Variants in PPM1A observed in about 807,000 individuals in gnomAD.
The protein encoded by PPM1A is protein phosphatase 1A.
In PPM1A, 7 loss-of-function variants were observed where a neutral mutation model predicts 35.0. That is an observed-to-expected ratio of 0.20 (90% confidence interval 0.11 to 0.38). The LOEUF (loss-of-function observed/expected upper bound fraction) is 0.38. PPM1A is among the 10% of genes least tolerant of loss of function. PPM1A has a pLI of 1.00. For synonymous variants in PPM1A, 153 were observed against 167.3 expected (o/e 0.91, Z 0.66); for missense variants, 239 against 467.8 (o/e 0.51, Z 4.51).
At chr14:60,267,064 A>G (rs1222547294) in intron 1 of PPM1A, among the ~76,000 whole-genome samples, 1 of 152,228 alleles carries the variant, frequency 6.6e-6, no homozygotes, top group East Asian at 1.9e-4. Context: ...AAATAATCTT[A>G]TTGAGTATTT....
At chr14:60,288,225 A>G in intron 3 of PPM1A, 1 of 973,958 alleles carries the variant, frequency 1.0e-6, no homozygotes. Context: ...TTTTCTTCAC[A>G]GTTAAAATAT....
At chr14:60,247,495 T>A (rs1270038987), upstream of PPM1A, among the ~76,000 whole-genome samples, 1 of 151,466 alleles carries the variant, frequency 6.6e-6, no homozygotes, top group Non-Finnish European at 1.5e-5. Context: ...CCAGGCGTGG[T>A]GGCAGGCGCC....
At chr14:60,274,438 T>C (rs1885511433) in intron 1 of PPM1A, among the ~76,000 whole-genome samples, 1 of 152,018 alleles carries the variant, frequency 6.6e-6, no homozygotes, top group Non-Finnish European at 1.5e-5. Flanking sequence ...TTATTTTTAA[T>C]GGGTAACATG....
intron 1 of PPM1A, among the ~76,000 whole-genome samples, chr14:60,272,901 A>G (rs1257697712): frequency 6.6e-6 from 1 of 151,794 alleles, no homozygotes; most frequent in Non-Finnish European, 1.5e-5. Context: ...TCCTTTTATG[A>G]TTGCTCATGT....
At position 60,282,646 on chromosome 14, in the gene PPM1A, A is replaced by C. The variant is rs1208625938; in HGVS notation, c.-20-38A>C. On this transcript the variant is annotated intron_variant, in intron 1 of 5. Transcript: ENST00000395076. The surrounding 1 kb of genome is among the most constrained non-coding windows in gnomAD (Gnocchi z 5.1). Reference sequence around the variant, plus strand: ...TTGTTTGGTACATATTTTGTTTATAAGACAGTTATTGACTTTCCTGTTTCT... The same window carrying C: ...TTGTTTGGTACATATTTTGTTTATACGACAGTTATTGACTTTCCTGTTTCT... 6.3e-7 allele frequency: 1 copy of C among 1,584,734 alleles called. No homozygotes were observed. Among genetic ancestry groups the C allele is most frequent in the Non-Finnish European group, 8.6e-7 (1 of 1,165,292 alleles).
rs1364436000 is a variant in PPM1A at position 60,249,358 on chromosome 14, G to C, written c.-340G>C. On this transcript the variant is annotated 5_prime_UTR_variant, in exon 1 of 6. Coordinates refer to ENST00000395076, the MANE Select transcript of PPM1A (RefSeq NM_021003.5). This position sits in a 1 kb window ranked among gnomAD's most constrained non-coding sequence, Gnocchi z 4.5. ...TTGCTCCGGAACGGGTGGTTGGGGAGGGGGGGGTGGGGGGACTCTAGACAG... is the reference window on the plus strand; with the variant it reads ...TTGCTCCGGAACGGGTGGTTGGGGACGGGGGGGTGGGGGGACTCTAGACAG... The C allele has an allele frequency of 1.1e-5, 11 of 958,002 alleles. No individual in the cohort carries two copies. The highest frequency in any genetic ancestry group is 1.8e-5 in the African/African-American group (1 of 54,514). 59.3% of individuals were successfully genotyped at this position (958,002 alleles called of 1,614,324 possible).
chr14:60,284,708 T>TATATATATATATAC (rs1219271024), intron 2 of PPM1A, among the ~76,000 whole-genome samples: 1 of 57,170 alleles, frequency 1.7e-5, no homozygotes, highest in African/African-American at 1.6e-4. Flanking sequence ...TGTGTGTGTG[T>TATATATATATATAC]ATATATATAT....
intron 1 of PPM1A, among the ~76,000 whole-genome samples, chr14:60,281,557 CCT>C (rs1255430576): frequency 6.6e-6 from 1 of 152,192 alleles, no homozygotes; most frequent in African/African-American, 2.4e-5. Flanking sequence ...CTACCTAACT[CCT>C]CTTCACCTCC....
At chr14:60,262,455 G>T (rs987483761) in intron 1 of PPM1A, among the ~76,000 whole-genome samples, 3 of 152,150 alleles carry the variant, frequency 2.0e-5, no homozygotes, top group African/African-American at 7.2e-5. Context: ...AAGCCGAGGC[G>T]GGAGGATTGC....
rs114831746 is a variant in PPM1A, at chr14:60,262,619, C to A, written c.-21+12942C>A. Among the ~76,000 whole-genome samples the A allele has an allele frequency of 8.2e-3, 1,252 of 152,224 alleles. 20 individuals are homozygous for A. Among genetic ancestry groups the A allele is most frequent in the East Asian group, 0.031 (158 of 5,180 alleles). On this transcript the variant is annotated intron_variant, in intron 1 of 5. Coordinates refer to ENST00000395076, the MANE Select transcript of PPM1A (RefSeq NM_021003.5). ...GGATCACCTGAGCCCAGGAGCTCCA[C>A]GCTATAGTTTGAGTTGTGATCGTGC...
At position 60,292,933 on chromosome 14, in the gene PPM1A, T is replaced by G. The variant is rs1293138616; in HGVS notation, c.*451T>G. The stretch of plus-strand genomic sequence containing the variant: ...TGGAACAGGGAGAGCAGCAGCCATG[T>G]CAGCTACACGCTCAAATGTGCAGAT... On this transcript the variant is annotated 3_prime_UTR_variant, in exon 6 of 6. Coordinates refer to ENST00000395076, the MANE Select transcript of PPM1A (RefSeq NM_021003.5). The surrounding 1 kb of genome is among the most constrained non-coding windows in gnomAD (Gnocchi z 4.2). 1 of 153,454 alleles carries G rather than the reference T, an allele frequency of 6.5e-6. No individual in the cohort carries two copies. Among genetic ancestry groups the G allele is most frequent in the Non-Finnish European group, 1.4e-5 (1 of 69,036 alleles). 9.5% of individuals were successfully genotyped at this position (153,454 alleles called of 1,614,324 possible). A position where few individuals can be genotyped will look rare whatever the true frequency, so the allele number is the denominator to read the frequency against.
At chr14:60,246,776 C>A (rs1173470845), upstream of PPM1A, among the ~76,000 whole-genome samples, 3 of 151,958 alleles carry the variant, frequency 2.0e-5, no homozygotes, top group East Asian at 3.9e-4. Flanking sequence ...TAGTTCATAC[C>A]AAAATGTCCC....
At chr14:60,268,798 A>T (rs1424260665) in intron 1 of PPM1A, among the ~76,000 whole-genome samples, 1 of 152,064 alleles carries the variant, frequency 6.6e-6, no homozygotes, top group African/African-American at 2.4e-5. Flanking sequence ...AATTGTAGAA[A>T]TATGTAAACT....
chr14:60,280,498 G>C (rs1886279717), intron 1 of PPM1A, among the ~76,000 whole-genome samples: 1 of 152,170 alleles, frequency 6.6e-6, no homozygotes, highest in Non-Finnish European at 1.5e-5. Context: ...CTTTTCTGTT[G>C]GTTTGTCTCT....
At position 60,296,733 on chromosome 14, in the gene PPM1A, G is replaced by A. The variant is rs1888088242; in HGVS notation, c.*4251G>A. ...ATACATTTTCAAAATGTATAATACT[G>A]TATTGTTTTGTTGATCAGAATAATA... On this transcript the variant is annotated 3_prime_UTR_variant, in exon 6 of 6. Coordinates refer to ENST00000395076, the MANE Select transcript of PPM1A (RefSeq NM_021003.5). The surrounding 1 kb of genome is among the most constrained non-coding windows in gnomAD (Gnocchi z 4.4). 5.7e-6 allele frequency: 2 copies of A among 348,838 alleles called. No homozygotes were observed. The highest frequency in any genetic ancestry group is 4.9e-5 in the Admixed American group (1 of 20,616). The allele number at this position is 348,838 out of a possible 1,614,324, so 21.6% of individuals were successfully genotyped here. A position where few individuals can be genotyped will look rare whatever the true frequency, so the allele number is the denominator to read the frequency against.
intron 1 of PPM1A, among the ~76,000 whole-genome samples, chr14:60,280,152 T>C (rs1453316173): frequency 1.3e-5 from 2 of 152,154 alleles, no homozygotes; most frequent in African/African-American, 4.8e-5. Flanking sequence ...ATTACGGGCA[T>C]GCGCCACCAT....
At chr14:60,287,722 C>G in intron 3 of PPM1A, 1 of 985,086 alleles carries the variant, frequency 1.0e-6, no homozygotes, top group Non-Finnish European at 1.2e-6. Context: ...CTTCTAAATA[C>G]TTGACTCTCT....
chr14:60,289,735 T>TA lies in PPM1A; in HGVS notation c.953-70dup. 1 of 983,698 alleles carries TA rather than the reference T, an allele frequency of 1.0e-6. No homozygotes were observed. The highest frequency in any genetic ancestry group is 1.6e-6 in the Non-Finnish European group (1 of 634,858). 60.9% of individuals were successfully genotyped at this position (983,698 alleles called of 1,614,324 possible). A position where few individuals can be genotyped will look rare whatever the true frequency, so the allele number is the denominator to read the frequency against. ...AAATGCCATCTTTAAAAAGCTAGGTTATCTTTGTTTCGGTTTTCTTTTCAA... is the reference window on the plus strand; with the variant it reads ...AAATGCCATCTTTAAAAAGCTAGGTTAATCTTTGTTTCGGTTTTCTTTTCAA... On this transcript the variant is annotated intron_variant, in intron 3 of 5. Coordinates refer to ENST00000395076, the MANE Select transcript of PPM1A (RefSeq NM_021003.5). The surrounding 1 kb of genome is among the most constrained non-coding windows in gnomAD (Gnocchi z 4.1).
At chr14:60,279,193 A>T (rs1314430439) in intron 1 of PPM1A, among the ~76,000 whole-genome samples, 1 of 152,190 alleles carries the variant, frequency 6.6e-6, no homozygotes, top group East Asian at 1.9e-4. Flanking sequence ...ATCTTGGCTC[A>T]CTGCAACCTC....
Sources: gnomAD v4.1 joint callset for allele counts (sites outside exome capture counted in the v4.1 genomes callset) on GRCh38, gnomAD v4.1.1 for gene constraint, Gnocchi (gnomAD v3.1) non-coding constraint, MANE v1.5 for transcripts, NCBI Gene and HGNC (gene_info 2026-07-23, HGNC 2026-07-21) for gene names.